The following CNBD1 variants were observed in gnomAD, a reference collection of about 807,000 sequenced individuals.
CNBD1 encodes cyclic nucleotide binding domain containing 1.
Under a neutral mutation model 54.4 loss-of-function variants are expected in CNBD1, and 71 were observed. The observed-to-expected ratio is 1.30, with a 90% CI of 1.08 to 1.59. CNBD1 has a LOEUF of 1.59. Ranked by LOEUF, CNBD1 falls within the 40% of genes most tolerant of loss-of-function variation. The pLI is 0.00. For synonymous variants in CNBD1, 182 were observed against 170.7 expected (o/e 1.07, Z -0.51); for missense variants, 659 against 518.0 (o/e 1.27, Z -2.64).
chr8:86,968,852 G>A (rs1808154285), intron 4 of CNBD1, among the ~76,000 whole-genome samples: 1 of 152,188 alleles, frequency 6.6e-6, no homozygotes, highest in Admixed American at 6.5e-5. Context: ...TATCTCAGGT[G>A]AGTGGAGGAA....
chr8:87,027,899 G>A (rs963282346), intron 4 of CNBD1, among the ~76,000 whole-genome samples: 3 of 152,150 alleles, frequency 2.0e-5, no homozygotes, highest in South Asian at 2.1e-4. Context: ...GTGTCCAAAC[G>A]GAAACAGTCG....
At chr8:87,281,545 T>G (rs1303229545) in intron 6 of CNBD1, among the ~76,000 whole-genome samples, 143 of 1,056 alleles carry the variant, frequency 0.14, 1 homozygote, top group South Asian at 0.38. Context: ...GGCTAAGATA[T>G]ATATATATAT....
chr8:87,421,432 C>T (rs544369069), intron 2 of CNBD1, among the ~76,000 whole-genome samples: 1 of 126,062 alleles, frequency 7.9e-6, no homozygotes, highest in Non-Finnish European at 1.7e-5. Flanking sequence ...CCCCTCCCCC[C>T]ACCCCACAAC....
At chr8:87,078,659 C>G (rs2130661914) in intron 4 of CNBD1, among the ~76,000 whole-genome samples, 1 of 152,220 alleles carries the variant, frequency 6.6e-6, no homozygotes, top group Admixed American at 6.5e-5. Flanking sequence ...CTAATAGAGT[C>G]TTGATGGCTT....
Position 87,369,725 on chromosome 8 carries a change from C to CTT in CNBD1, c.1304-12886_1304-12885dup, listed in dbSNP as rs528374656. On this transcript the variant is annotated intron_variant, in intron 10 of 10. Coordinates refer to ENST00000518476, the MANE Select transcript of CNBD1 (RefSeq NM_173538.3). Reference sequence around the variant, plus strand: ...TTTGTCACTTTCCTAGTGCTGCTTTCTTTTTTTTTTATTATTATACTTTAA... The same window carrying CTT: ...TTTGTCACTTTCCTAGTGCTGCTTTCTTTTTTTTTTTTATTATTATACTTTAA... Among the ~76,000 whole-genome samples, 568 of 149,886 alleles carry CTT rather than the reference C, an allele frequency of 3.8e-3. 8 individuals are homozygous for CTT. Among genetic ancestry groups the CTT allele is most frequent in the African/African-American group, 0.013 (540 of 40,844 alleles).
At chr8:87,324,875 G>T (rs1809634673) in intron 8 of CNBD1, among the ~76,000 whole-genome samples, 1 of 111,348 alleles carries the variant, frequency 9.0e-6, no homozygotes. Flanking sequence ...TGCTTTTCTA[G>T]TTCTTTTAAT....
At chr8:87,351,434 C>G (rs1158555226) in intron 8 of CNBD1, among the ~76,000 whole-genome samples, 1 of 152,154 alleles carries the variant, frequency 6.6e-6, no homozygotes, top group Non-Finnish European at 1.5e-5. Flanking sequence ...GTACAGTATA[C>G]TAGCATATCA....
chr8:87,299,491 T>A lies in CNBD1; in HGVS notation c.1042+12820T>A, dbSNP rs951350958. On this transcript the variant is annotated intron_variant, in intron 8 of 10. Transcript: ENST00000518476. ...CATCTTCTCCTCCTGTTCACATAGA[T>A]CTTCCTTAGTTTTCATGTAAATGAA... Among the ~76,000 whole-genome samples the A allele has an allele frequency of 3.9e-5, 6 of 152,240 alleles. No homozygotes were observed. In the East Asian group the frequency reaches 9.6e-4, roughly 24 times the overall value.
rs553316369 is a variant in CNBD1, at chr8:87,066,003, T to C, written c.431+126249T>C. 2.0e-5 allele frequency among the ~76,000 whole-genome samples: 3 copies of C among 152,100 alleles called. No individual in the cohort carries two copies. In the South Asian group the frequency reaches 6.2e-4, roughly 31 times the overall value. On this transcript the variant is annotated intron_variant, in intron 4 of 10. Coordinates refer to ENST00000518476, the MANE Select transcript of CNBD1 (RefSeq NM_173538.3). ...TTAGAGACTATGAACACCAATATAG[T>C]CTTGTAGCAACATTTGACAGTTAAT...
chr8:87,138,485 C>A (rs186566357), intron 4 of CNBD1, among the ~76,000 whole-genome samples: 1 of 152,344 alleles, frequency 6.6e-6, no homozygotes, highest in Admixed American at 6.5e-5. Flanking sequence ...AGCATCACTT[C>A]TTACCATCCC....
rs557821977 is a variant in CNBD1, at chr8:87,221,661, A to G, written c.578-15258A>G. 7.1e-4 allele frequency among the ~76,000 whole-genome samples: 108 copies of G among 152,216 alleles called. 1 individual carries two copies. The highest frequency in any genetic ancestry group is 1.4e-3 in the Non-Finnish European group (93 of 67,996). On this transcript the variant is annotated intron_variant, in intron 5 of 10. Coordinates refer to ENST00000518476, the MANE Select transcript of CNBD1 (RefSeq NM_173538.3). ...ATGTTTGCCTTGTATTGCCTCTTAT[A>G]ATTATATACTTTGTAATTTTCACAA...
chr8:87,138,180 C>T (rs1341645557), intron 4 of CNBD1, among the ~76,000 whole-genome samples: 1 of 152,060 alleles, frequency 6.6e-6, no homozygotes, highest in African/African-American at 2.4e-5. Context: ...TTTTTGTCTT[C>T]CTATTTGTTC....
chr8:87,191,732 T>A (rs1005252159), intron 4 of CNBD1, among the ~76,000 whole-genome samples: 1 of 152,138 alleles, frequency 6.6e-6, no homozygotes. Context: ...AGTGTAGAAA[T>A]GCCTATCAAG....
intron 2 of CNBD1, among the ~76,000 whole-genome samples, chr8:87,421,097 T>G (rs927956495): frequency 6.6e-6 from 1 of 152,054 alleles, no homozygotes; most frequent in Non-Finnish European, 1.5e-5. Flanking sequence ...TAGATAGATA[T>G]TTTTTCAATA....
chr8:87,346,291 C>G (rs1204572603), intron 8 of CNBD1, among the ~76,000 whole-genome samples: 1 of 152,172 alleles, frequency 6.6e-6, no homozygotes, highest in Admixed American at 6.6e-5. Flanking sequence ...ATCCGCCCAC[C>G]TCAGCCTCCC....
At chr8:87,428,211 C>G (rs1219138867) in intron 2 of CNBD1, among the ~76,000 whole-genome samples, 2 of 151,940 alleles carry the variant, frequency 1.3e-5, no homozygotes. Flanking sequence ...GTGTTTCAGC[C>G]TCTGTCATGG....
intron 4 of CNBD1, among the ~76,000 whole-genome samples, chr8:87,189,398 T>G (rs930858915): frequency 5.3e-5 from 8 of 152,270 alleles, no homozygotes; most frequent in African/African-American, 1.7e-4. Flanking sequence ...TTAAAAACTG[T>G]GCAGTTGGCA....
In CNBD1 at chr8:87,280,447, A is replaced by G. The variant is rs530368136; in HGVS notation, c.772-4231A>G. Among the ~76,000 whole-genome samples, 4 of 151,696 alleles carry G rather than the reference A, an allele frequency of 2.6e-5. No individual in the cohort carries two copies. In the East Asian group the frequency reaches 7.7e-4, roughly 29 times the overall value. ...TATTAGAAGTTCAAGAAGTTCATCTATTGACGAGATTATGAGTGCCTGATC... is the reference window on the plus strand; with the variant it reads ...TATTAGAAGTTCAAGAAGTTCATCTGTTGACGAGATTATGAGTGCCTGATC... On this transcript the variant is annotated intron_variant, in intron 6 of 10. Transcript: ENST00000518476.
At chr8:87,058,987 A>G (rs1810484702) in intron 4 of CNBD1, among the ~76,000 whole-genome samples, 1 of 152,158 alleles carries the variant, frequency 6.6e-6, no homozygotes, top group Admixed American at 6.5e-5. Context: ...ACACTTTACT[A>G]GTTAGAAATT....
Sources: gnomAD v4.1 joint callset for allele counts (sites outside exome capture counted in the v4.1 genomes callset) on GRCh38, gnomAD v4.1.1 for gene constraint, MANE v1.5 for transcripts, NCBI Gene and HGNC (gene_info 2026-07-23, HGNC 2026-07-21) for gene names.